SPMIP5: variants seen among roughly 807,000 people sequenced by gnomAD.
The protein encoded by SPMIP5 is sperm-associated microtubule inner protein 5.
At chr10:116,662,590 C>T in the SPMIP5 span, among the ~76,000 whole-genome samples, 1 of 152,202 alleles carries the variant, frequency 6.6e-6, no homozygotes, top group African/African-American at 2.4e-5. Flanking sequence ...CAGCTTGCTG[C>T]CTCGTGTGGC....
chr10:116,668,241 G>T, the SPMIP5 span: 1 of 1,611,122 alleles, frequency 6.2e-7, no homozygotes, highest in Non-Finnish European at 8.5e-7. Flanking sequence ...ACAGCTGCAG[G>T]GTACGTCCAC....
chr10:116,662,882 T>C, the SPMIP5 span, among the ~76,000 whole-genome samples: 2 of 152,082 alleles, frequency 1.3e-5, no homozygotes, highest in Non-Finnish European at 2.9e-5. Context: ...CTGGTGTCCT[T>C]GTAAGAAGAC....
chr10:116,664,879 C>G, the SPMIP5 span: 1 of 1,614,206 alleles, frequency 6.2e-7, no homozygotes, highest in East Asian at 2.2e-5. Context: ...GTGACCTTGG[C>G]TCTCGGCAGG....
chr10:116,666,125 G>C, the SPMIP5 span, among the ~76,000 whole-genome samples: 1 of 152,214 alleles, frequency 6.6e-6, no homozygotes, highest in Non-Finnish European at 1.5e-5. Flanking sequence ...ACGGAAAATG[G>C]GGAAAGCATT....
At chr10:116,664,061 G>A in the SPMIP5 span, 120,111 of 1,603,748 alleles carry the variant, frequency 0.075, 9,108 homozygotes, top group East Asian at 0.36. Context: ...TCTAGGAGAG[G>A]AACCGTCCGT....
chr10:116,664,863 A>C, the SPMIP5 span: 1 of 1,614,072 alleles, frequency 6.2e-7, no homozygotes, highest in East Asian at 2.2e-5. Flanking sequence ...GCCACAGCCA[A>C]ATTCAGTGAC....
chr10:116,668,443 G>T, the SPMIP5 span: 1 of 832,674 alleles, frequency 1.2e-6, no homozygotes, highest in Non-Finnish European at 2.0e-6. Context: ...AGTTGGGGCT[G>T]AGAGGCAGCA....
the SPMIP5 span, chr10:116,665,625 T>A: frequency 1.9e-6 from 3 of 1,613,688 alleles, no homozygotes; most frequent in Non-Finnish European, 8.5e-7. Flanking sequence ...CAGGGGGTGG[T>A]ACTGCAGATT....
At chr10:116,663,892 G>A in the SPMIP5 span, 11 of 1,532,416 alleles carry the variant, frequency 7.2e-6, no homozygotes, top group East Asian at 2.2e-4. Context: ...ACCTCCTTGG[G>A]AGACTCTGCG....
At chr10:116,663,839 C>A in the SPMIP5 span, 1 of 1,451,454 alleles carries the variant, frequency 6.9e-7, no homozygotes, top group Admixed American at 2.6e-5. Context: ...GGGCGTGATT[C>A]CAACATGAGA....
the SPMIP5 span, among the ~76,000 whole-genome samples, chr10:116,662,504 G>C: frequency 6.6e-6 from 1 of 152,120 alleles, no homozygotes; most frequent in African/African-American, 2.4e-5. Context: ...CTGACCTTCT[G>C]ACTTCTACCC....
At chr10:116,664,376 A>G in the SPMIP5 span, 1 of 884,388 alleles carries the variant, frequency 1.1e-6, no homozygotes, top group Non-Finnish European at 1.7e-6. Flanking sequence ...ATATATGAAC[A>G]TGGTATGTTA....
chr10:116,667,275 C>A, the SPMIP5 span, among the ~76,000 whole-genome samples: 1 of 152,188 alleles, frequency 6.6e-6, no homozygotes, highest in Non-Finnish European at 1.5e-5. Context: ...CCTTCCCTAG[C>A]GCCTTCAGAA....
chr10:116,664,633 C>G, the SPMIP5 span: 1 of 1,486,996 alleles, frequency 6.7e-7, no homozygotes, highest in Non-Finnish European at 8.9e-7. Flanking sequence ...AATGAGGCAC[C>G]TTCTCTAAGA....
the SPMIP5 span, among the ~76,000 whole-genome samples, chr10:116,663,465 C>CT: frequency 5.9e-5 from 9 of 152,148 alleles, no homozygotes; most frequent in Non-Finnish European, 8.8e-5. Flanking sequence ...TAGCTGGTAT[C>CT]TGCCAACTGG....
chr10:116,668,866 G>A, the SPMIP5 span, among the ~76,000 whole-genome samples: 1 of 151,054 alleles, frequency 6.6e-6, no homozygotes, highest in Non-Finnish European at 1.5e-5. Context: ...GTCAGAAGTG[G>A]GGGATGGGAT....
chr10:116,665,705 TGC>T, the SPMIP5 span: 1 of 1,614,196 alleles, frequency 6.2e-7, no homozygotes, highest in Non-Finnish European at 8.5e-7. Flanking sequence ...CAGTGGCCAC[TGC>T]GCAGCACAAT....
chr10:116,667,011 G>A, the SPMIP5 span, among the ~76,000 whole-genome samples: 1 of 152,192 alleles, frequency 6.6e-6, no homozygotes, highest in East Asian at 1.9e-4. Flanking sequence ...TGGTACCTGT[G>A]AATGTGCATT....
chr10:116,665,602 T>A, the SPMIP5 span: 8 of 1,609,824 alleles, frequency 5.0e-6, no homozygotes, highest in Non-Finnish European at 6.8e-6. Flanking sequence ...TTCAGGGCGC[T>A]GCTACCCAGG....
Sources: allele counts gnomAD v4.1 joint callset (sites outside exome capture counted in the v4.1 genomes callset), GRCh38; gene constraint gnomAD v4.1.1; transcripts MANE v1.5; gene names NCBI Gene and HGNC (gene_info 2026-07-23, HGNC 2026-07-21).